TEX36: variants seen among roughly 807,000 people sequenced by gnomAD.
TEX36 encodes the protein testis-expressed protein 36.
In TEX36, 12 loss-of-function variants were observed where a neutral mutation model predicts 13.6. That is an observed-to-expected ratio of 0.88 (90% CI 0.56 to 1.43). The LOEUF is 1.43. TEX36 is among the 40% of genes most tolerant of loss of function. The pLI, the probability that TEX36 is intolerant of heterozygous loss-of-function variation, is 0.00. For synonymous variants in TEX36, 93 were observed against 83.0 expected (o/e 1.12, Z -0.65); for missense variants, 224 against 228.3 (o/e 0.98, Z 0.12).
chr10:125,672,000 G>T (rs552011763), intron 1 of TEX36, among the ~76,000 whole-genome samples: 1 of 151,980 alleles, frequency 6.6e-6, no homozygotes, highest in African/African-American at 2.4e-5. Context: ...TTTTCATTGT[G>T]TCTATTTGAT....
intron 1 of TEX36, among the ~76,000 whole-genome samples, chr10:125,665,823 G>A (rs923494879): frequency 2.6e-5 from 4 of 152,060 alleles, no homozygotes; most frequent in Middle Eastern, 3.2e-3. Context: ...GATGTATTCC[G>A]ACGCAGGAGC....
At chr10:125,657,688 T>C (rs953733623) in intron 3 of TEX36, among the ~76,000 whole-genome samples, 7 of 152,050 alleles carry the variant, frequency 4.6e-5, no homozygotes, top group African/African-American at 1.4e-4. Context: ...ATCCCAGGAT[T>C]TCAACTTGAT....
At chr10:125,649,233 A>C (rs1846817357) in intron 3 of TEX36, among the ~76,000 whole-genome samples, 2 of 152,226 alleles carry the variant, frequency 1.3e-5, no homozygotes, top group African/African-American at 4.8e-5. Flanking sequence ...ATGAAGGAAA[A>C]AATGTTAAGG....
intron 1 of TEX36, among the ~76,000 whole-genome samples, chr10:125,681,436 T>C (rs1456287948): frequency 6.6e-6 from 1 of 152,234 alleles, no homozygotes. Context: ...GCAACTTACA[T>C]TTTTCTTTTC....
At chr10:125,666,918 GC>G in intron 1 of TEX36, 1 of 538,068 alleles carries the variant, frequency 1.9e-6, no homozygotes, top group Non-Finnish European at 3.3e-6. Context: ...TCTAGCAGCA[GC>G]CCCAGTCTCA....
At chr10:125,657,429 T>C (rs1263031317) in intron 3 of TEX36, among the ~76,000 whole-genome samples, 1 of 152,038 alleles carries the variant, frequency 6.6e-6, no homozygotes, top group African/African-American at 2.4e-5. Flanking sequence ...GGGACAAGTG[T>C]ATGACGCGGG....
chr10:125,645,425 G>C (rs991939384), intron 3 of TEX36, among the ~76,000 whole-genome samples: 11 of 152,114 alleles, frequency 7.2e-5, no homozygotes, highest in African/African-American at 2.7e-4. Context: ...AGACCTGAGA[G>C]AGCACATTGG....
In TEX36 at chr10:125,683,021, G is replaced by A; in HGVS notation, c.-32C>T. The stretch of plus-strand genomic sequence containing the variant: ...CAGGAAGCTGAATGTGGCTGAGATT[G>A]GCTCCCTCACCTCTCCATAAGCTCT... On this transcript the variant is annotated 5_prime_UTR_variant, in exon 1 of 4. Transcript: ENST00000368821. The A allele has an allele frequency of 6.4e-7, 1 of 1,551,494 alleles. No homozygotes were observed. Among genetic ancestry groups the A allele is most frequent in the Non-Finnish European group, 8.7e-7 (1 of 1,146,830 alleles).
At chr10:125,605,345 A>T (rs1343738102) in intron 3 of TEX36, among the ~76,000 whole-genome samples, 2 of 151,972 alleles carry the variant, frequency 1.3e-5, no homozygotes, top group Admixed American at 1.3e-4. Context: ...TAGTGCAGCA[A>T]TGTGGTCAGT....
intron 1 of TEX36, chr10:125,667,304 G>A: frequency 4.7e-6 from 3 of 635,758 alleles, no homozygotes; most frequent in Non-Finnish European, 9.0e-6. Context: ...ATCACTCAGA[G>A]CCTTGTAGAC....
intron 3 of TEX36, among the ~76,000 whole-genome samples, chr10:125,578,897 G>A (rs539186503): frequency 1.4e-4 from 21 of 152,018 alleles, no homozygotes; most frequent in African/African-American, 4.3e-4. Context: ...CTCCCTTTCC[G>A]ACCCACCTCT....
intron 1 of TEX36, chr10:125,667,657 G>T: frequency 1.4e-6 from 1 of 718,418 alleles, no homozygotes; most frequent in South Asian, 1.6e-5. Context: ...CCTTGGACAT[G>T]ACAACTTGGG....
rs559665588 is a variant in TEX36 at position 125,674,873 on chromosome 10, G to T, written c.51+8066C>A. 1.7e-3 allele frequency among the ~76,000 whole-genome samples: 256 copies of T among 152,374 alleles called. 4 individuals are homozygous for T. Among genetic ancestry groups the T allele is most frequent in the African/African-American group, 5.9e-3 (246 of 41,586 alleles). ...GAACACTCCTGTGTAACTTGACTGA[G>T]GGGTCTCACCCAGTCAGGAGGCATG... is the stretch of plus-strand genomic sequence containing the variant. On this transcript the variant is annotated intron_variant, in intron 1 of 3. Transcript: ENST00000368821.
intron 3 of TEX36, among the ~76,000 whole-genome samples, chr10:125,659,341 C>T (rs1416330526): frequency 3.3e-5 from 5 of 152,098 alleles, no homozygotes; most frequent in Non-Finnish European, 7.4e-5. Context: ...AACAAATATA[C>T]ATTTATGTGT....
chr10:125,681,964 C>A (rs953122778), intron 1 of TEX36, among the ~76,000 whole-genome samples: 3 of 152,172 alleles, frequency 2.0e-5, no homozygotes, highest in Non-Finnish European at 2.9e-5. Context: ...CCTTCAGACC[C>A]AAATTTGCTG....
intron 3 of TEX36, among the ~76,000 whole-genome samples, chr10:125,601,306 G>A (rs1846142542): frequency 1.3e-5 from 2 of 152,246 alleles, no homozygotes; most frequent in Non-Finnish European, 2.9e-5. Flanking sequence ...CTATATGGAA[G>A]GGGACCTCCC....
At chr10:125,656,690 C>A (rs946646170) in intron 3 of TEX36, among the ~76,000 whole-genome samples, 1 of 152,114 alleles carries the variant, frequency 6.6e-6, no homozygotes, top group Non-Finnish European at 1.5e-5. Flanking sequence ...ACTCACAAAA[C>A]CCTGGCAGGG....
At position 125,591,843 on chromosome 10, in the gene TEX36, T is replaced by C. The variant is rs532290452; in HGVS notation, c.265-14969A>G. ...TTTGTTGAAACTGACCTTCCCTGCT[T>C]GTATGAGAATCATTAGTGCCCAACA... On this transcript the variant is annotated intron_variant, in intron 3 of 3. Coordinates refer to the TEX36 transcript ENST00000532135. 2.6e-5 allele frequency among the ~76,000 whole-genome samples: 4 copies of C among 152,272 alleles called. No individual in the cohort carries two copies. In the East Asian group the frequency reaches 7.8e-4, roughly 30 times the overall value.
chr10:125,605,698 T>A (rs1254013238), intron 3 of TEX36, among the ~76,000 whole-genome samples: 1 of 152,128 alleles, frequency 6.6e-6, no homozygotes, highest in Non-Finnish European at 1.5e-5. Flanking sequence ...ACCTTCTGGG[T>A]TCAAGCGATT....
Sources: gnomAD v4.1 joint callset for allele counts (sites outside exome capture counted in the v4.1 genomes callset) on GRCh38, gnomAD v4.1.1 for gene constraint, MANE v1.5 for transcripts, NCBI Gene and HGNC (gene_info 2026-07-23, HGNC 2026-07-21) for gene names.